Variants in SRGAP2B observed in about 807,000 individuals in gnomAD.
The protein encoded by SRGAP2B is SLIT-ROBO Rho GTPase-activating protein 2B.
Under a neutral mutation model 22.2 loss-of-function variants are expected in SRGAP2B, and 9 were observed. That is an observed-to-expected ratio of 0.41 (90% CI 0.24 to 0.71). The LOEUF (loss-of-function observed/expected upper bound fraction) is 0.71, where lower values mean the gene tolerates loss of function less well. Among genes scored for constraint, SRGAP2B ranks in the 30% least tolerant of loss-of-function variants. SRGAP2B has a pLI of 0.35. For synonymous variants in SRGAP2B, 36 were observed against 87.4 expected (o/e 0.41, Z 3.28); for missense variants, 114 against 235.8 (o/e 0.48, Z 3.38).
chr1:144,910,434 G>C (rs1453503076), intron 5 of SRGAP2B, among the ~76,000 whole-genome samples: 1 of 146,190 alleles, frequency 6.8e-6, no homozygotes, highest in Admixed American at 6.8e-5. Context: ...AGAGTTGAGG[G>C]ACTATTAAGT....
At chr1:145,044,622 C>G (rs1301666524) in intron 2 of SRGAP2B, among the ~76,000 whole-genome samples, 1 of 108,010 alleles carries the variant, frequency 9.3e-6, no homozygotes, top group Non-Finnish European at 1.7e-5. Flanking sequence ...TATTTCTTTT[C>G]CGTATATTTT....
At chr1:145,004,472 G>T in intron 2 of SRGAP2B, among the ~76,000 whole-genome samples, 1 of 114,730 alleles carries the variant, frequency 8.7e-6, no homozygotes, top group African/African-American at 4.6e-5. Flanking sequence ...GGTCTTGCCT[G>T]AGATGTTTAA....
chr1:144,923,438 C>A (rs1664403106), intron 4 of SRGAP2B, among the ~76,000 whole-genome samples: 1 of 150,094 alleles, frequency 6.7e-6, no homozygotes, highest in South Asian at 2.1e-4. Flanking sequence ...ACACTAAAAG[C>A]ACAGAGTAGA....
Position 144,924,765 on chromosome 1 carries a change from C to A in SRGAP2B, c.424-10011G>T, listed in dbSNP as rs1220801989. ...AAAAAAAAAAAAGAATGTGTATCTA[C>A]CCGCAGTTGTCAGGCGCAGTATCCA... On this transcript the variant is annotated intron_variant, in intron 4 of 9. Coordinates refer to ENST00000612199, the Ensembl canonical transcript of SRGAP2B. Among the ~76,000 whole-genome samples, 3 of 144,050 alleles carry A rather than the reference C, an allele frequency of 2.1e-5. No individual in the cohort carries two copies. In the South Asian group the frequency reaches 6.5e-4, roughly 31 times the overall value. 94.5% of individuals were successfully genotyped at this position (144,050 alleles called of 152,430 possible).
rs1228499543 is a variant in SRGAP2B, at chr1:145,015,156, G to A, written c.68-19956C>T. 1.2e-4 allele frequency among the ~76,000 whole-genome samples: 15 copies of A among 126,836 alleles called. 1 individual carries two copies. Among genetic ancestry groups the A allele is most frequent in the African/African-American group, 3.8e-4 (12 of 31,212 alleles). The allele number at this position is 126,836 out of a possible 152,430, so 83.2% of individuals were successfully genotyped here. Reference sequence around the variant, plus strand: ...CAGTGGCATGATCTCGGCTCACTGCGGCCTCTGCCTCCTGGGTTCAAGCAA... The same window carrying A: ...CAGTGGCATGATCTCGGCTCACTGCAGCCTCTGCCTCCTGGGTTCAAGCAA... On this transcript the variant is annotated intron_variant, in intron 2 of 9. Transcript: ENST00000612199.
At chr1:145,080,061 A>G (rs1553634560) in intron 2 of SRGAP2B, among the ~76,000 whole-genome samples, 1 of 149,398 alleles carries the variant, frequency 6.7e-6, no homozygotes, top group African/African-American at 2.5e-5. Flanking sequence ...TAAGTACTGC[A>G]CACAACAACA....
intron 5 of SRGAP2B, among the ~76,000 whole-genome samples, chr1:144,909,504 A>G (rs1207900105): frequency 6.9e-6 from 1 of 144,098 alleles, no homozygotes; most frequent in Non-Finnish European, 1.5e-5. Context: ...GGAGAATGGC[A>G]TGAACCTGGG....
intron 2 of SRGAP2B, among the ~76,000 whole-genome samples, chr1:145,007,307 C>CG (rs1410970019): frequency 6.7e-6 from 1 of 149,474 alleles, no homozygotes; most frequent in Non-Finnish European, 1.5e-5. Context: ...TGCTGAGATA[C>CG]GGCCTCATGT....
chr1:144,940,585 G>A (rs1665954159), intron 4 of SRGAP2B, among the ~76,000 whole-genome samples: 1 of 140,884 alleles, frequency 7.1e-6, no homozygotes, highest in Non-Finnish European at 1.5e-5. Context: ...GATCACTTGA[G>A]TTCAGGAGTT....
intron 4 of SRGAP2B, among the ~76,000 whole-genome samples, chr1:144,948,375 TG>T (rs1410795069): frequency 6.9e-6 from 1 of 143,986 alleles, no homozygotes; most frequent in Non-Finnish European, 1.5e-5. Context: ...CACTACAATA[TG>T]TTTTTCCACT....
chr1:145,019,988 G>A (rs1488788413), intron 2 of SRGAP2B, among the ~76,000 whole-genome samples: 3 of 151,008 alleles, frequency 2.0e-5, no homozygotes, highest in Admixed American at 6.6e-5. Flanking sequence ...CCTTTAAACT[G>A]GCTGTTTCCT....
At chr1:145,009,779 CAATA>C in intron 2 of SRGAP2B, among the ~76,000 whole-genome samples, 1 of 125,274 alleles carries the variant, frequency 8.0e-6, no homozygotes, top group South Asian at 2.6e-4. Context: ...CAGAGGAAGA[CAATA>C]AATAAAACAG....
chr1:144,954,952 A>G (rs1177848824), intron 4 of SRGAP2B, among the ~76,000 whole-genome samples: 3 of 150,456 alleles, frequency 2.0e-5, no homozygotes, highest in African/African-American at 7.5e-5. Flanking sequence ...AATGAACTAG[A>G]ATAGGAAAAC....
chr1:144,951,113 G>A (rs1206987935), intron 4 of SRGAP2B, among the ~76,000 whole-genome samples: 7 of 150,976 alleles, frequency 4.6e-5, no homozygotes, highest in South Asian at 2.1e-4. Context: ...CTCCCAAAGC[G>A]CTGCGATTAC....
intron 4 of SRGAP2B, among the ~76,000 whole-genome samples, chr1:144,951,571 A>T: frequency 6.7e-6 from 1 of 150,276 alleles, no homozygotes; most frequent in Middle Eastern, 3.4e-3. Flanking sequence ...TACGGTAAGG[A>T]TTAAAGGAGA....
chr1:144,957,515 CT>C (rs1288128799), intron 3 of SRGAP2B, among the ~76,000 whole-genome samples: 54 of 139,018 alleles, frequency 3.9e-4, no homozygotes, highest in African/African-American at 1.4e-3. Flanking sequence ...ATCACTAACT[CT>C]TAAGCGTGCC....
At chr1:144,995,101 T>C (rs1553618242) in exon 3 of SRGAP2B, 10 of 1,483,658 alleles carry the variant, frequency 6.7e-6, no homozygotes, top group South Asian at 1.2e-5. Context: ...AATCTCTGCC[T>C]TCTTTCGGAA....
chr1:144,998,855 C>T (rs1246190423), intron 2 of SRGAP2B, among the ~76,000 whole-genome samples: 1 of 150,854 alleles, frequency 6.6e-6, no homozygotes, highest in Non-Finnish European at 1.5e-5. Context: ...AACAATGGTC[C>T]CCAAGAAGGC....
intron 2 of SRGAP2B, among the ~76,000 whole-genome samples, chr1:145,017,231 C>G (rs587602562): frequency 6.7e-6 from 1 of 148,990 alleles, no homozygotes; most frequent in African/African-American, 2.5e-5. Flanking sequence ...CACCCAGTCT[C>G]AAATTCTTAT....
Sources: allele counts gnomAD v4.1 joint callset (sites outside exome capture counted in the v4.1 genomes callset), GRCh38; gene constraint gnomAD v4.1.1; transcripts MANE v1.5; gene names NCBI Gene and HGNC (gene_info 2026-07-23, HGNC 2026-07-21).